PCDHGA4: variants seen among roughly 807,000 people sequenced by gnomAD.
PCDHGA4 encodes the protein protocadherin gamma subfamily A, 4, also known as protocadherin gamma-A4.
PCDHGA4 carries 38 observed loss-of-function variants against 54.6 expected under a neutral mutation model. That is an observed-to-expected ratio of 0.70 (90% confidence interval 0.54 to 0.91). The LOEUF (loss-of-function observed/expected upper bound fraction) is 0.91. Among genes scored for constraint, PCDHGA4 ranks in the 40% least tolerant of loss-of-function variants. The pLI is 0.00. For synonymous variants in PCDHGA4, 511 were observed against 512.9 expected, an observed-to-expected ratio of 1.00 and a Z score of 0.05; for missense variants, 1,298 against 1,220.9, an observed-to-expected ratio of 1.06 and a Z score of -0.94.
In PCDHGA4 at chr5:141,414,957, G is replaced by C. The variant is rs550492051; in HGVS notation, c.2514+57336G>C. 9.2e-5 allele frequency: 148 copies of C among 1,614,018 alleles called. No homozygotes were observed. Among genetic ancestry groups the C allele is most frequent in the Non-Finnish European group, 1.2e-4 (144 of 1,180,044 alleles). ...CAGAGCCCGGCTACCTGGTGACCAA[G>C]GTGGTGGCGGTGGACAGAGACTCCG... is the stretch of plus-strand genomic sequence containing the variant. On this transcript the variant is annotated intron_variant, in intron 1 of 3. Coordinates refer to ENST00000571252, the MANE Select transcript of PCDHGA4 (RefSeq NM_018917.4).
At position 141,476,753 on chromosome 5, in the gene PCDHGA4, G is replaced by C; in HGVS notation, c.2515-18054G>C. On this transcript the variant is annotated intron_variant, in intron 1 of 3. Coordinates refer to ENST00000571252, the MANE Select transcript of PCDHGA4 (RefSeq NM_018917.4). This position sits in a 1 kb window ranked among gnomAD's most constrained non-coding sequence, Gnocchi z 7.6. Reference sequence around the variant, plus strand: ...AGAACGGGAGCCTAGTCTCCAGTTAGTGCTGACGGCGTTGGACGGAGGGAC... The same window carrying C: ...AGAACGGGAGCCTAGTCTCCAGTTACTGCTGACGGCGTTGGACGGAGGGAC... 3.1e-6 allele frequency: 5 copies of C among 1,614,012 alleles called. No individual in the cohort carries two copies. The highest frequency in any genetic ancestry group is 4.2e-6 in the Non-Finnish European group (5 of 1,180,030).
intron 2 of PCDHGA4, among the ~76,000 whole-genome samples, chr5:141,498,601 G>A (rs2099784606): frequency 6.6e-6 from 1 of 152,126 alleles, no homozygotes; most frequent in African/African-American, 2.4e-5. Flanking sequence ...CTTGGTTCAA[G>A]TTCAAGTCAG....
Position 141,491,954 on chromosome 5 carries a change from C to A in PCDHGA4, c.2515-2853C>A. ...TGGGACCGACCCCCACCCCTACACT[C>A]AAAAAAGGCCGGGGCCTCCTTCGAG... On this transcript the variant is annotated intron_variant, in intron 1 of 3. Transcript: ENST00000571252. This position sits in a 1 kb window ranked among gnomAD's most constrained non-coding sequence, Gnocchi z 6.9. The A allele has an allele frequency of 9.7e-7, 1 of 1,032,914 alleles. No individual in the cohort carries two copies. Among genetic ancestry groups the A allele is most frequent in the Non-Finnish European group, 1.3e-6 (1 of 747,256 alleles). The allele number at this position is 1,032,914 out of a possible 1,614,324, so 64.0% of individuals were successfully genotyped here.
At chr5:141,381,992 G>A (rs553767265) in intron 1 of PCDHGA4, among the ~76,000 whole-genome samples, 50 of 151,748 alleles carry the variant, frequency 3.3e-4, no homozygotes, top group African/African-American at 1.1e-3. Context: ...ACCACGCCCG[G>A]ATAATTTTGT....
Position 141,490,900 on chromosome 5 carries a change from G to A in PCDHGA4, c.2515-3907G>A, listed in dbSNP as rs2099705863. 2 of 1,613,796 alleles carry A rather than the reference G, an allele frequency of 1.2e-6. No individual in the cohort carries two copies. The highest frequency in any genetic ancestry group is 2.7e-5 in the African/African-American group (2 of 75,050). ...TGCCAACACATCTCTGCATGTGTTT[G>A]TCCTAGACGAGAATGATAATGCCCC... On this transcript the variant is annotated intron_variant, in intron 1 of 3. Transcript: ENST00000571252. The surrounding 1 kb of genome is among the most constrained non-coding windows in gnomAD (Gnocchi z 5.4).
Position 141,432,943 on chromosome 5 carries a change from A to G in PCDHGA4, c.2515-61864A>G, listed in dbSNP as rs1200038728. ...ACAAGTCACGCCTGCTGCAGGCTTC[A>G]GGAGGCGGCTTGACAGGAGCGCCGG... On this transcript the variant is annotated intron_variant, in intron 1 of 3. Transcript: ENST00000571252. This position sits in a 1 kb window ranked among gnomAD's most constrained non-coding sequence, Gnocchi z 6.0. 5.6e-6 allele frequency: 9 copies of G among 1,614,168 alleles called. No homozygotes were observed. The highest frequency in any genetic ancestry group is 1.7e-4 in the Middle Eastern group (1 of 6,060).
Position 141,393,770 on chromosome 5 carries a change from A to G in PCDHGA4, c.2514+36149A>G, listed in dbSNP as rs372280460. 83 of 1,613,864 alleles carry G rather than the reference A, an allele frequency of 5.1e-5. 1 individual carries two copies. Among genetic ancestry groups the G allele is most frequent in the Middle Eastern group, 1.6e-4 (1 of 6,084 alleles). On this transcript the variant is annotated intron_variant, in intron 1 of 3. Transcript: ENST00000571252. ...AATGTTCATTTTATGAAATGGAAAT[A>G]CAAGCCGAAGATGTGGGGGCACTTC... is the stretch of plus-strand genomic sequence containing the variant.
At chr5:141,384,983 T>C (rs944174966) in intron 1 of PCDHGA4, 1 of 1,614,026 alleles carries the variant, frequency 6.2e-7, no homozygotes, top group Non-Finnish European at 8.5e-7. Context: ...TACCTGGTGG[T>C]GGCGGTGGCC....
In PCDHGA4 at chr5:141,485,037, C is replaced by T. The variant is rs2099605532; in HGVS notation, c.2515-9770C>T. 1.0e-5 allele frequency: 7 copies of T among 702,746 alleles called. No individual in the cohort carries two copies. Among genetic ancestry groups the T allele is most frequent in the Non-Finnish European group, 1.5e-5 (6 of 402,836 alleles). 43.5% of individuals were successfully genotyped at this position (702,746 alleles called of 1,614,324 possible). A position where few individuals can be genotyped will look rare whatever the true frequency, so the allele number is the denominator to read the frequency against. ...GCCACCAGCAAAAACGGCGCGTAAC[C>T]CTTGCGGCGCCGGCCGAACCGCGCC... is the stretch of plus-strand genomic sequence containing the variant. On this transcript the variant is annotated intron_variant, in intron 1 of 3. Transcript: ENST00000571252. The surrounding 1 kb of genome is among the most constrained non-coding windows in gnomAD (Gnocchi z 5.7).
At chr5:141,369,725 G>A (rs540933138) in intron 1 of PCDHGA4, among the ~76,000 whole-genome samples, 2 of 152,288 alleles carry the variant, frequency 1.3e-5, no homozygotes, top group African/African-American at 4.8e-5. Flanking sequence ...TTAGAAGTTA[G>A]AAGTAAAGGA....
intron 1 of PCDHGA4, chr5:141,404,610 T>G (rs1207198913): frequency 6.2e-7 from 1 of 1,614,130 alleles, no homozygotes. Context: ...CTGTTTGTTT[T>G]GGACCAGAAT....
At chr5:141,488,083 C>T (rs917074240) in intron 1 of PCDHGA4, among the ~76,000 whole-genome samples, 1 of 152,152 alleles carries the variant, frequency 6.6e-6, no homozygotes, top group African/African-American at 2.4e-5. Context: ...GTATCTAGTA[C>T]ACTGTGAAGG....
intron 1 of PCDHGA4, chr5:141,389,310 G>A: frequency 6.2e-7 from 1 of 1,614,018 alleles, no homozygotes; most frequent in Non-Finnish European, 8.5e-7. Context: ...CAGGGCTTCT[G>A]ATCCGGACTT....
intron 1 of PCDHGA4, chr5:141,408,468 G>T: frequency 6.2e-7 from 1 of 1,614,070 alleles, no homozygotes; most frequent in Non-Finnish European, 8.5e-7. Context: ...GTGAAGAACC[G>T]AATAGACCGT....
At chr5:141,398,866 T>TAC (rs775997367) in intron 1 of PCDHGA4, 28 of 1,613,844 alleles carry the variant, frequency 1.7e-5, no homozygotes, top group Non-Finnish European at 8.5e-7. Flanking sequence ...CCGAGACGTG[T>TAC]ACAGAGTCAG....
At position 141,470,884 on chromosome 5, in the gene PCDHGA4, G is replaced by T. The variant is rs2099243316; in HGVS notation, c.2515-23923G>T. 3.3e-5 allele frequency among the ~76,000 whole-genome samples: 5 copies of T among 151,648 alleles called. No individual in the cohort carries two copies. In the South Asian group the frequency reaches 1.0e-3, roughly 32 times the overall value. On this transcript the variant is annotated intron_variant, in intron 1 of 3. Coordinates refer to ENST00000571252, the MANE Select transcript of PCDHGA4 (RefSeq NM_018917.4). ...TTTGTTTGTTTGTTTTTTTGTTTTT[G>T]TTTTTGTTTTTTGTAGAGATGGGAC...
chr5:141,486,803 C>T lies in PCDHGA4; in HGVS notation c.2515-8004C>T. 1 of 1,614,228 alleles carries T rather than the reference C, an allele frequency of 6.2e-7. No homozygotes were observed. Among genetic ancestry groups the T allele is most frequent in the South Asian group, 1.1e-5 (1 of 91,084 alleles). ...GCAGGCCCGGGATCGGGGCAACCCACCCCTTAGCAGCACTGTAACAGTTCG... is the reference window on the plus strand; with the variant it reads ...GCAGGCCCGGGATCGGGGCAACCCATCCCTTAGCAGCACTGTAACAGTTCG... On this transcript the variant is annotated intron_variant, in intron 1 of 3. Coordinates refer to ENST00000571252, the MANE Select transcript of PCDHGA4 (RefSeq NM_018917.4). The surrounding 1 kb of genome is among the most constrained non-coding windows in gnomAD (Gnocchi z 5.0).
intron 1 of PCDHGA4, chr5:141,384,334 C>G (rs1779970411): frequency 2.5e-6 from 4 of 1,613,846 alleles, no homozygotes; most frequent in Non-Finnish European, 2.5e-6. Flanking sequence ...TGCACAGGAC[C>G]ACGACAGTGA....
intron 1 of PCDHGA4, chr5:141,385,096 G>T (rs746092295): frequency 6.2e-7 from 1 of 1,614,190 alleles, no homozygotes; most frequent in Non-Finnish European, 8.5e-7. Context: ...AGGTGGCTTG[G>T]CGAACGTGCC....
Sources: allele counts gnomAD v4.1 joint callset (sites outside exome capture counted in the v4.1 genomes callset), GRCh38; gene constraint gnomAD v4.1.1; non-coding constraint Gnocchi (gnomAD v3.1); transcripts MANE v1.5; gene names NCBI Gene and HGNC (gene_info 2026-07-23, HGNC 2026-07-21).